TRHDE: variants seen among roughly 807,000 people sequenced by gnomAD.
TRHDE encodes thyrotropin-releasing hormone-degrading ectoenzyme.
A neutral mutation model predicts 125.7 loss-of-function variants in TRHDE; 72 were observed. The observed-to-expected ratio is 0.57, with a 90% CI of 0.47 to 0.70. TRHDE has a LOEUF of 0.70. Ranked by LOEUF, TRHDE falls within the 30% of genes least tolerant of loss-of-function variation. The pLI is 0.00. For synonymous variants in TRHDE, 509 were observed against 509.1 expected (o/e 1.00, Z 0.00); for missense variants, 1,110 against 1,327.1 (o/e 0.84, Z 2.54).
intron 18 of TRHDE, among the ~76,000 whole-genome samples, chr12:72,661,419 A>G (rs891684671): frequency 2.0e-5 from 3 of 152,192 alleles, no homozygotes; most frequent in African/African-American, 7.2e-5. Flanking sequence ...AATATACTTT[A>G]AAAGGAGCAT....
At chr12:72,518,948 T>C (rs1445212922) in intron 6 of TRHDE, among the ~76,000 whole-genome samples, 1 of 152,158 alleles carries the variant, frequency 6.6e-6, no homozygotes, top group Non-Finnish European at 1.5e-5. Context: ...GAAAATTCTT[T>C]TCTTTAAGAA....
At chr12:72,162,028 C>T (rs1876648773) in intron 2 of TRHDE, among the ~76,000 whole-genome samples, 1 of 152,168 alleles carries the variant, frequency 6.6e-6, no homozygotes, top group African/African-American at 2.4e-5. Flanking sequence ...TACTATGGCA[C>T]TTAGTAAATT....
intron 15 of TRHDE, among the ~76,000 whole-genome samples, chr12:72,648,383 T>C (rs1874369406): frequency 6.6e-6 from 1 of 152,062 alleles, no homozygotes; most frequent in African/African-American, 2.4e-5. Context: ...AACATAGTAC[T>C]GGAAACCTTA....
intron 15 of TRHDE, among the ~76,000 whole-genome samples, chr12:72,635,858 C>G (rs1873720845): frequency 2.0e-5 from 3 of 152,138 alleles, no homozygotes; most frequent in Admixed American, 2.0e-4. Flanking sequence ...TTCCATTGAT[C>G]TATATCTCTG....
chr12:72,423,949 A>G lies in TRHDE; in HGVS notation c.1316-45809A>G, dbSNP rs182241593. On this transcript the variant is annotated intron_variant, in intron 3 of 18. Coordinates refer to ENST00000261180, the MANE Select transcript of TRHDE (RefSeq NM_013381.3). ...AGCTAAGGACCTCTAGAAGCTGCAAAGAAGACAAGAAACAGATTTGCCCCT... is the reference window on the plus strand; with the variant it reads ...AGCTAAGGACCTCTAGAAGCTGCAAGGAAGACAAGAAACAGATTTGCCCCT... Among the ~76,000 whole-genome samples the G allele has an allele frequency of 1.4e-3, 211 of 152,288 alleles. 2 individuals are homozygous for G. The highest frequency in any genetic ancestry group is 2.4e-3 in the Non-Finnish European group (160 of 68,026).
chr12:72,337,574 C>G (rs1869884891), intron 2 of TRHDE, among the ~76,000 whole-genome samples: 1 of 152,012 alleles, frequency 6.6e-6, no homozygotes, highest in African/African-American at 2.4e-5. Context: ...AGTTCATTCT[C>G]TAGACGGTAT....
chr12:72,248,375 G>T (rs1170469380), intron 2 of TRHDE, among the ~76,000 whole-genome samples: 1 of 126,306 alleles, frequency 7.9e-6, no homozygotes, highest in Non-Finnish European at 1.6e-5. Flanking sequence ...CCGAGATCGC[G>T]CCACTGCACT....
chr12:72,124,389 C>T lies in TRHDE; in HGVS notation n.279+18637C>T, dbSNP rs60460909. On this transcript the variant is annotated intron_variant and non_coding_transcript_variant, in intron 2 of 4. Transcript: ENST00000548156. Reference sequence around the variant, plus strand: ...GTTTACAATAAATAGTAAACATAAACGTGTAAGTCATCCAATTTGTTAGAA... The same window carrying T: ...GTTTACAATAAATAGTAAACATAAATGTGTAAGTCATCCAATTTGTTAGAA... Among the ~76,000 whole-genome samples the T allele has an allele frequency of 7.8e-4, 118 of 152,012 alleles. No individual in the cohort carries two copies. The East Asian group carries it at 0.015, about 20-fold the overall frequency.
At chr12:72,328,754 C>T (rs1255818249) in intron 2 of TRHDE, among the ~76,000 whole-genome samples, 1 of 152,012 alleles carries the variant, frequency 6.6e-6, no homozygotes, top group Non-Finnish European at 1.5e-5. Context: ...TCTTTGCTGC[C>T]AAGTTTGTTT....
intron 3 of TRHDE, among the ~76,000 whole-genome samples, chr12:72,384,895 T>G (rs1040364430): frequency 1.3e-5 from 2 of 152,118 alleles, no homozygotes; most frequent in Non-Finnish European, 2.9e-5. Context: ...ATAGAATATT[T>G]ATAATGATTC....
rs553938149 is a variant in TRHDE at position 72,639,023 on chromosome 12, C to G, written c.2676-13299C>G. Among the ~76,000 whole-genome samples, 21 of 150,624 alleles carry G rather than the reference C, an allele frequency of 1.4e-4. 1 individual carries two copies. The South Asian group carries it at 1.9e-3, about 14-fold the overall frequency. ...TCGAGGAGTATCTTTGTGGCATTCT[C>G]TGTATTTCCTGAATCTGAATGTTGG... On this transcript the variant is annotated intron_variant, in intron 15 of 18. Transcript: ENST00000261180.
At chr12:72,501,988 C>T (rs1878175965) in intron 6 of TRHDE, among the ~76,000 whole-genome samples, 1 of 151,924 alleles carries the variant, frequency 6.6e-6, no homozygotes, top group Admixed American at 6.6e-5. Flanking sequence ...CTTATTATCC[C>T]TTTAATAACT....
intron 7 of TRHDE, among the ~76,000 whole-genome samples, chr12:72,556,112 A>C (rs1385514801): frequency 3.3e-5 from 5 of 152,172 alleles, no homozygotes; most frequent in Non-Finnish European, 5.9e-5. Flanking sequence ...TCTACTGTTC[A>C]TAAGAACAAC....
intron 2 of TRHDE, among the ~76,000 whole-genome samples, chr12:72,156,619 G>A (rs1227173093): frequency 6.6e-6 from 1 of 152,188 alleles, no homozygotes; most frequent in African/African-American, 2.4e-5. Context: ...AGTAGGCAGA[G>A]GTTGATCTTT....
At chr12:72,351,027 A>G (rs920442837) in intron 2 of TRHDE, among the ~76,000 whole-genome samples, 10 of 151,980 alleles carry the variant, frequency 6.6e-5, no homozygotes, top group African/African-American at 2.4e-4. Flanking sequence ...AATGTGTTTG[A>G]GTTTCTGTCA....
At chr12:72,217,520 A>G (rs1877917063) in intron 2 of TRHDE, among the ~76,000 whole-genome samples, 1 of 152,164 alleles carries the variant, frequency 6.6e-6, no homozygotes, top group East Asian at 1.9e-4. Context: ...TTTGGTCATC[A>G]ATGTGCAGTC....
At chr12:72,385,737 A>G (rs1872383668) in intron 3 of TRHDE, among the ~76,000 whole-genome samples, 1 of 152,156 alleles carries the variant, frequency 6.6e-6, no homozygotes, top group South Asian at 2.1e-4. Flanking sequence ...GCTATTTTGT[A>G]GCTATTACAT....
chr12:72,293,825 AGCTGC>A (rs1880183021), intron 2 of TRHDE, among the ~76,000 whole-genome samples: 1 of 152,180 alleles, frequency 6.6e-6, no homozygotes, highest in African/African-American at 2.4e-5. Context: ...TTTGCCTGGC[AGCTGC>A]GCTTGGCTCA....
At chr12:72,097,690 A>G (rs1056879003) in intron 1 of TRHDE, among the ~76,000 whole-genome samples, 3 of 151,952 alleles carry the variant, frequency 2.0e-5, no homozygotes, top group East Asian at 1.9e-4. Context: ...GCCTCAAGCA[A>G]TCCTCCTGCT....
Sources: gnomAD v4.1 joint callset for allele counts (sites outside exome capture counted in the v4.1 genomes callset) on GRCh38, gnomAD v4.1.1 for gene constraint, MANE v1.5 for transcripts, NCBI Gene and HGNC (gene_info 2026-07-23, HGNC 2026-07-21) for gene names.